Variants in LRIG2 observed in about 807,000 individuals in gnomAD.
The protein encoded by LRIG2 is leucine-rich repeats and immunoglobulin-like domains protein 2.
Under a neutral mutation model 107.8 loss-of-function variants are expected in LRIG2, and 93 were observed. The ratio of observed to expected loss-of-function variants is 0.86; its 90% CI spans 0.73 to 1.03. The LOEUF is 1.03. LRIG2 is among the 50% of genes least tolerant of loss of function. The pLI is 0.00. For missense variants in LRIG2, 1,226 were observed against 1,296.0 expected (o/e 0.95, Z 0.83); for synonymous variants, 471 against 470.6 (o/e 1.00, Z -0.01).
intron 11 of LRIG2, among the ~76,000 whole-genome samples, chr1:113,101,924 T>C (rs1020633556): frequency 1.3e-5 from 2 of 152,158 alleles, no homozygotes; most frequent in Non-Finnish European, 2.9e-5. Context: ...CAGTAAATCC[T>C]AGTGAGGAAG....
intron 17 of LRIG2, among the ~76,000 whole-genome samples, chr1:113,123,377 T>C (rs2101073215): frequency 6.6e-6 from 1 of 152,294 alleles, no homozygotes; most frequent in South Asian, 2.1e-4. Flanking sequence ...GAGTTCAAAC[T>C]AGCCTGGCCA....
Position 113,129,609 on chromosome 1 carries a change from A to G in LRIG2, c.*5508A>G, listed in dbSNP as rs758204821. 6 of 152,186 alleles carry G rather than the reference A, an allele frequency of 3.9e-5. No homozygotes were observed. The highest frequency in any genetic ancestry group is 2.0e-4 in the Admixed American group (3 of 15,276). The allele number at this position is 152,186 out of a possible 1,614,324, so 9.4% of individuals were successfully genotyped here. On this transcript the variant is annotated 3_prime_UTR_variant, in exon 18 of 18. Coordinates refer to ENST00000361127, the MANE Select transcript of LRIG2 (RefSeq NM_014813.3). The stretch of plus-strand genomic sequence containing the variant: ...TATTGCATATGTTTCTGATCAAGCA[A>G]TATGTTAACCCTCTAAGTAGGATTA...
rs530162595 is a variant in LRIG2 at position 113,114,812 on chromosome 1, G to C, written c.2466G>C (p.Leu822Phe). The stretch of plus-strand genomic sequence containing the variant: ...TCTGCTGTGTTGTTGGCACTTCTTT[G>C]ATCTGGGTCATTGTTATTTACCACA... ...VVVCCVVGTS[L>F]IWVIVIYHMR... Residue 822 changes from leucine to phenylalanine, a missense_variant, in exon 15 of 18, where the codon TTG becomes TTC. By Grantham distance (22) the Leu-to-Phe change is conservative. Transcript: ENST00000361127. 4 of 1,614,014 alleles carry C rather than the reference G, an allele frequency of 2.5e-6. No homozygotes were observed. The South Asian group carries it at 3.3e-5, about 13-fold the overall frequency.
At position 113,114,757 on chromosome 1, in the gene LRIG2, C is replaced by T. The variant is rs955140862; in HGVS notation, c.2411C>T (p.Thr804Ile). 3 of 1,614,002 alleles carry T rather than the reference C, an allele frequency of 1.9e-6. No homozygotes were observed. Among genetic ancestry groups the T allele is most frequent in the Non-Finnish European group, 2.5e-6 (3 of 1,180,028 alleles). ...SSIGHEDDGW[T>I]TVGIVIIVVV... is the part of the protein sequence containing the mutation. ...ATTGGGCATGAAGATGATGGCTGGA[C>T]CACAGTTGGCATTGTCATCATTGTT... The change falls in exon 15 of 18, where the codon ACC (threonine) becomes ATC (isoleucine). Residue 804 changes from threonine to isoleucine, a missense_variant. By Grantham distance (89) the Thr-to-Ile change is moderately conservative. Transcript: ENST00000361127.
At chr1:113,101,485 A>C (rs1288750089) in intron 11 of LRIG2, among the ~76,000 whole-genome samples, 1 of 152,276 alleles carries the variant, frequency 6.6e-6, no homozygotes, top group Non-Finnish European at 1.5e-5. Context: ...GTGGAGCAGA[A>C]CTGGTTGATG....
intron 1 of LRIG2, among the ~76,000 whole-genome samples, chr1:113,085,350 C>A (rs1227399138): frequency 1.3e-5 from 2 of 152,138 alleles, no homozygotes; most frequent in African/African-American, 4.8e-5. Flanking sequence ...ATGGTGGGAT[C>A]TCTGCTCACC....
intron 1 of LRIG2, among the ~76,000 whole-genome samples, chr1:113,086,573 C>T (rs2101025707): frequency 6.6e-6 from 1 of 152,218 alleles, no homozygotes; most frequent in Middle Eastern, 3.4e-3. Context: ...GCGAAGAAAA[C>T]CCCTCCATTT....
intron 13 of LRIG2, among the ~76,000 whole-genome samples, chr1:113,111,767 G>GTT (rs34691317): frequency 6.6e-6 from 1 of 151,998 alleles, no homozygotes; most frequent in African/African-American, 2.4e-5. Context: ...GAAGGCATAA[G>GTT]TTTTTTTAGC....
At position 113,114,559 on chromosome 1, in the gene LRIG2, T is replaced by G. The variant is rs752024380; in HGVS notation, c.2213T>G (p.Val738Gly). ...NWTKDDGPLL[V>G]TERHFFAAAN... ...ACTAAAGATGATGGGCCTTTGCTGGTGACAGAACGACATTTCTTTGCTGCA... is the reference window on the plus strand; with the variant it reads ...ACTAAAGATGATGGGCCTTTGCTGGGGACAGAACGACATTTCTTTGCTGCA... The change falls in exon 15 of 18, where the codon GTG becomes GGG. Residue 738 changes from valine to glycine, a missense_variant. By Grantham distance (109) the Val-to-Gly change is moderately radical. Around this residue, in one of 3 missense-constraint regions of LRIG2, gnomAD observed 642 missense variants for 712.2 expected, o/e 0.90. Transcript: ENST00000361127. 13 of 1,614,134 alleles carry G rather than the reference T, an allele frequency of 8.1e-6. No homozygotes were observed. The highest frequency in any genetic ancestry group is 1.0e-5 in the Non-Finnish European group (12 of 1,180,026).
At chr1:113,099,721 T>C (rs1368037122) in intron 9 of LRIG2, among the ~76,000 whole-genome samples, 2 of 152,182 alleles carry the variant, frequency 1.3e-5, no homozygotes, top group Non-Finnish European at 2.9e-5. Flanking sequence ...GTTTGTTTAA[T>C]TGTAGGAGAT....
intron 1 of LRIG2, among the ~76,000 whole-genome samples, chr1:113,089,204 A>G (rs535978022): frequency 2.6e-5 from 4 of 152,316 alleles, no homozygotes; most frequent in African/African-American, 7.2e-5. Flanking sequence ...GTGATCTGTA[A>G]TGTTTCTGTA....
intron 11 of LRIG2, among the ~76,000 whole-genome samples, chr1:113,104,330 C>CCA (rs1389527662): frequency 1.3e-5 from 2 of 152,076 alleles, no homozygotes; most frequent in Admixed American, 1.3e-4. Flanking sequence ...TGTAGGCCCC[C>CCA]CACCCTTCCT....
chr1:113,094,792 T>A, intron 6 of LRIG2, 37 bp downstream of exon 6: 1 of 1,599,170 alleles, frequency 6.3e-7, no homozygotes, highest in Non-Finnish European at 8.6e-7. Flanking sequence ...ATTAGGAAAG[T>A]AGTCTGTTTG....
In LRIG2 at chr1:113,073,431, C is replaced by T. The variant is rs1426171074; in HGVS notation, c.25C>T (p.Pro9Ser). 1.2e-6 allele frequency: 2 copies of T among 1,613,950 alleles called. No individual in the cohort carries two copies. The highest frequency in any genetic ancestry group is 1.7e-6 in the Non-Finnish European group (2 of 1,179,946). The change falls in exon 1 of 18, where the codon CCG (proline) becomes TCG (serine). Residue 9 changes from proline (P) to serine (S), a missense_variant. By Grantham distance (74) the Pro-to-Ser change is moderately conservative. Transcript: ENST00000361127. MAPAPLGVPEEQLLGCRSR... is the reference protein window; with the variant it reads MAPAPLGVSEEQLLGCRSR... The stretch of plus-strand genomic sequence containing the variant: ...AATGGCGCCGGCGCCCCTAGGCGTC[C>T]CGGAGGAGCAGTTGCTGGGGTGTCG...
chr1:113,091,363 A>C lies in LRIG2; in HGVS notation c.285A>C (p.Glu95Asp). The part of the protein sequence containing the change: ...NRLSNWNISL[E>D]SQTLQEVKMN... ...TGTCTAACTGGAACATCAGCTTGGA[A>C]TCACAAACATTACAGGAAGTGTAAG... Residue 95 changes from glutamate to aspartate, a missense_variant, in exon 2 of 18, where the codon GAA (glutamate) becomes GAC (aspartate). By Grantham distance (45) the Glu-to-Asp change is conservative. Transcript: ENST00000361127. 2 of 1,600,534 alleles carry C rather than the reference A, an allele frequency of 1.2e-6. No individual in the cohort carries two copies. The highest frequency in any genetic ancestry group is 1.7e-6 in the Non-Finnish European group (2 of 1,171,504).
rs1653721056 is a variant in LRIG2, at chr1:113,089,818, G to A, written c.240-1500G>A. Among the ~76,000 whole-genome samples the A allele has an allele frequency of 2.0e-5, 3 of 150,610 alleles. No homozygotes were observed. The Admixed American group carries it at 2.0e-4, about 10-fold the overall frequency. On this transcript the variant is annotated intron_variant, in intron 1 of 17. Coordinates refer to ENST00000361127, the MANE Select transcript of LRIG2 (RefSeq NM_014813.3). ...AGTGATTCTCCTGCCTCAGCCTCCC[G>A]AGTAGCTGGGATTACAGGTGCGTGC...
intron 1 of LRIG2, among the ~76,000 whole-genome samples, chr1:113,078,874 A>G (rs1445956942): frequency 6.6e-6 from 1 of 152,074 alleles, no homozygotes; most frequent in Non-Finnish European, 1.5e-5. Flanking sequence ...TCCCAACCTC[A>G]GGTGATCTGC....
chr1:113,082,372 T>C (rs900607244), intron 1 of LRIG2, among the ~76,000 whole-genome samples: 1 of 152,198 alleles, frequency 6.6e-6, no homozygotes, highest in African/African-American at 2.4e-5. Context: ...TGTTACACAA[T>C]TATACCCTGG....
At chr1:113,105,123 G>A (rs749226645) in intron 11 of LRIG2, among the ~76,000 whole-genome samples, 4 of 152,192 alleles carry the variant, frequency 2.6e-5, no homozygotes, top group Middle Eastern at 3.4e-3. Flanking sequence ...TCCAGCCTGG[G>A]TGACAGAGCA....
Sources: gnomAD v4.1 joint callset for allele counts (sites outside exome capture counted in the v4.1 genomes callset) on GRCh38, gnomAD v4.1.1 for gene constraint, gnomAD v4.1.1 regional missense constraint, MANE v1.5 for transcripts, NCBI Gene and HGNC (gene_info 2026-07-23, HGNC 2026-07-21) for gene names.